The following ARMC9 variants were observed in gnomAD, a reference collection of about 807,000 sequenced individuals.
ARMC9 encodes the protein lisH domain-containing protein ARMC9.
Under a neutral mutation model 107.0 loss-of-function variants are expected in ARMC9, and 94 were observed. The ratio of observed to expected loss-of-function variants is 0.88; its 90% CI spans 0.74 to 1.04. ARMC9 has a LOEUF of 1.04. Among genes scored for constraint, ARMC9 ranks in the 50% least tolerant of loss-of-function variants. ARMC9 has a pLI of 0.00. For missense variants in ARMC9, 942 were observed against 1,030.1 expected (o/e 0.91, Z 1.17); for synonymous variants, 380 against 396.9 (o/e 0.96, Z 0.51).
At chr2:231,290,179 A>T (rs567443816) in intron 17 of ARMC9, among the ~76,000 whole-genome samples, 1 of 152,374 alleles carries the variant, frequency 6.6e-6, no homozygotes, top group Admixed American at 6.5e-5. Context: ...TAGTTGAAGA[A>T]ACAGGCTAGA....
Position 231,310,531 on chromosome 2 carries a change from G to A in ARMC9, c.1773+14278G>A, listed in dbSNP as rs544964138. On this transcript the variant is annotated intron_variant, in intron 19 of 24. Transcript: ENST00000611582. ...GGATCACCTGAGGTCGGGAGTTCAC[G>A]ACCAGCCTGACCAACATGGAGAAAC... 2.6e-5 allele frequency among the ~76,000 whole-genome samples: 4 copies of A among 151,534 alleles called. No homozygotes were observed. The East Asian group carries it at 7.8e-4, about 29-fold the overall frequency.
At chr2:231,330,802 C>A (rs1277784852) in intron 19 of ARMC9, among the ~76,000 whole-genome samples, 1 of 132,152 alleles carries the variant, frequency 7.6e-6, no homozygotes, top group African/African-American at 4.3e-5. Context: ...CTAAAGGAAG[C>A]AGGCTTTGGG....
rs1367284141 is a variant in ARMC9, at chr2:231,358,478, A to G, written c.2132-2276A>G. Among the ~76,000 whole-genome samples, 3 of 152,106 alleles carry G rather than the reference A, an allele frequency of 2.0e-5. No individual in the cohort carries two copies. Among genetic ancestry groups the G allele is most frequent in the Non-Finnish European group, 4.4e-5 (3 of 68,020 alleles). On this transcript the variant is annotated intron_variant, in intron 22 of 24. Coordinates refer to ENST00000611582, the MANE Select transcript of ARMC9 (RefSeq NM_001352754.2). The surrounding 1 kb of genome is among the most constrained non-coding windows in gnomAD (Gnocchi z 4.5). ...CGGCCTCCCAAAGTGCTGGGATTAC[A>G]GGCATGGGGCCCCCTCCACTTCCCT...
chr2:231,354,813 C>T (rs997377987), intron 21 of ARMC9, among the ~76,000 whole-genome samples: 1 of 152,200 alleles, frequency 6.6e-6, no homozygotes, highest in African/African-American at 2.4e-5. Context: ...GAAGGGGGAG[C>T]GAGGGCTCCG....
intron 12 of ARMC9, among the ~76,000 whole-genome samples, chr2:231,265,408 C>T (rs2038767375): frequency 6.6e-6 from 1 of 152,182 alleles, no homozygotes; most frequent in African/African-American, 2.4e-5. Context: ...TGAGATACCA[C>T]TCAGCCATAA....
intron 5 of ARMC9, among the ~76,000 whole-genome samples, chr2:231,218,918 A>G: frequency 6.6e-6 from 1 of 151,844 alleles, no homozygotes; most frequent in Non-Finnish European, 1.5e-5. Flanking sequence ...TGTCCGGCTA[A>G]TTTTTGTATT....
chr2:231,300,997 C>A (rs1359395947), intron 19 of ARMC9, among the ~76,000 whole-genome samples: 5 of 152,054 alleles, frequency 3.3e-5, no homozygotes, highest in African/African-American at 1.2e-4. Context: ...ACATCAACCC[C>A]CCCAAGAAAC....
In ARMC9 at chr2:231,282,051, C is replaced by T. The variant is rs758574270; in HGVS notation, c.1552-8C>T. 1 of 1,613,748 alleles carries T rather than the reference C, an allele frequency of 6.2e-7. No individual in the cohort carries two copies. Among genetic ancestry groups the T allele is most frequent in the South Asian group, 1.1e-5 (1 of 91,036 alleles). Reference sequence around the variant, plus strand: ...TGCAAATAACTGGTTTTTTTCCTCCCCTTAAAGATACAGCCGTATGTGAAT... The same window carrying T: ...TGCAAATAACTGGTTTTTTTCCTCCTCTTAAAGATACAGCCGTATGTGAAT... On this transcript the variant is annotated splice_region_variant and splice_polypyrimidine_tract_variant and intron_variant, in intron 16 of 24. Transcript: ENST00000611582.
At chr2:231,247,760 G>A (rs989106567) in intron 9 of ARMC9, among the ~76,000 whole-genome samples, 3 of 152,008 alleles carry the variant, frequency 2.0e-5, no homozygotes, top group African/African-American at 4.8e-5. Flanking sequence ...ACAAAACCCC[G>A]TCTCTACTAA....
rs769177567 is a variant in ARMC9 at position 231,235,309 on chromosome 2, C to A, written c.708C>A (p.Ala236=). 2.5e-6 allele frequency: 4 copies of A among 1,614,202 alleles called. No individual in the cohort carries two copies. The highest frequency in any genetic ancestry group is 3.4e-6 in the Non-Finnish European group (4 of 1,180,028). The change falls in exon 8 of 25, where the codon GCC becomes GCA. Residue 236 remains alanine, a synonymous_variant. Transcript: ENST00000611582. The part of the protein sequence containing the change: ...TYLKRYNKIQ[A]DYHNLIGVTA... ...TCAAACGGTACAATAAGATCCAGGC[C>A]GACTACCACAATCTCATTGGAGTCA...
At position 231,330,701 on chromosome 2, in the gene ARMC9, C is replaced by T. The variant is rs371984256; in HGVS notation, c.1774-1092C>T. On this transcript the variant is annotated intron_variant, in intron 19 of 24. Transcript: ENST00000611582. ...CTGGGGCTCCTGAGGCCCTTGCTGG[C>T]GCAGGTGGGAGTGGAGCTACCATAT... Among the ~76,000 whole-genome samples, 73 of 152,246 alleles carry T rather than the reference C, an allele frequency of 4.8e-4. 1 individual carries two copies. In the South Asian group the frequency reaches 6.4e-3, roughly 13 times the overall value.
At chr2:231,369,001 A>C (rs2045916857) in intron 23 of ARMC9, among the ~76,000 whole-genome samples, 1 of 152,216 alleles carries the variant, frequency 6.6e-6, no homozygotes, top group Non-Finnish European at 1.5e-5. Flanking sequence ...AAAGAATCCC[A>C]CAGTCTCCTC....
chr2:231,239,949 CCT>C lies in ARMC9; in HGVS notation c.788_789del (p.Pro263ArgfsTer13). 1 of 1,613,866 alleles carries C rather than the reference CCT, an allele frequency of 6.2e-7. No individual in the cohort carries two copies. The highest frequency in any genetic ancestry group is 8.5e-7 in the Non-Finnish European group (1 of 1,179,846). ...CTTTGTATCCTCCTTGCAGATCACC[CCT>C]GAGTACCTCCAGAGCGTCTGTGTCC... ...EATVSGKMITPEYLQSVCVRL... is the reference protein window; with the variant it reads ...EATVSGKMITXEYLQSVCVRL... On this transcript the variant is annotated frameshift_variant, in exon 9 of 25. Transcript: ENST00000611582. LOFTEE classifies it high-confidence loss of function.
At chr2:231,355,493 C>A (rs772094933) in intron 21 of ARMC9, among the ~76,000 whole-genome samples, 14 of 152,202 alleles carry the variant, frequency 9.2e-5, no homozygotes, top group Non-Finnish European at 1.8e-4. Context: ...ACGTTGTTTG[C>A]TTGAAATGTC....
At chr2:231,240,117 G>A (rs1217283117) in intron 9 of ARMC9, 76 bp downstream of exon 9, 5 of 1,255,472 alleles carry the variant, frequency 4.0e-6, no homozygotes, top group Admixed American at 2.2e-5. Context: ...TTTAAAAATA[G>A]CATGAAAAAA....
chr2:231,300,246 G>A (rs973902452), intron 19 of ARMC9, among the ~76,000 whole-genome samples: 4 of 152,184 alleles, frequency 2.6e-5, no homozygotes, highest in African/African-American at 9.7e-5. Flanking sequence ...TTACTTGCTG[G>A]TTGCCATGTA....
intron 23 of ARMC9, among the ~76,000 whole-genome samples, chr2:231,365,926 T>A (rs2045798126): frequency 6.6e-6 from 1 of 152,080 alleles, no homozygotes; most frequent in Admixed American, 6.5e-5. Context: ...AGCTATTTTC[T>A]CCAGTGCCAG....
intron 19 of ARMC9, among the ~76,000 whole-genome samples, chr2:231,323,639 C>A (rs763415396): frequency 6.6e-6 from 1 of 152,164 alleles, no homozygotes; most frequent in Non-Finnish European, 1.5e-5. Context: ...TATATCTACA[C>A]AGTATCATGG....
chr2:231,326,857 G>A (rs2043353782), intron 19 of ARMC9, among the ~76,000 whole-genome samples: 1 of 152,230 alleles, frequency 6.6e-6, no homozygotes, highest in African/African-American at 2.4e-5. Context: ...TTCTCTGCCT[G>A]TTGGCAAGTG....
Sources: gnomAD v4.1 joint callset for allele counts (sites outside exome capture counted in the v4.1 genomes callset) on GRCh38, gnomAD v4.1.1 for gene constraint, Gnocchi (gnomAD v3.1) non-coding constraint, MANE v1.5 for transcripts, NCBI Gene and HGNC (gene_info 2026-07-23, HGNC 2026-07-21) for gene names.